The following HYCC1 variants were observed in gnomAD, a reference collection of about 807,000 sequenced individuals.
The protein encoded by HYCC1 is hyccin PI4KA lipid kinase complex subunit 1.
the HYCC1 span, among the ~76,000 whole-genome samples, chr7:22,954,382 G>A: frequency 2.6e-5 from 4 of 150,976 alleles, no homozygotes; most frequent in Admixed American, 6.6e-5. Flanking sequence ...AATGTTTTCC[G>A]ATATGAATTG....
the HYCC1 span, among the ~76,000 whole-genome samples, chr7:22,991,879 A>G: frequency 6.6e-6 from 1 of 152,116 alleles, no homozygotes; most frequent in African/African-American, 2.4e-5. Flanking sequence ...ATTCAGTCAC[A>G]AATCCTTCAT....
chr7:23,000,900 T>A, the HYCC1 span, among the ~76,000 whole-genome samples: 2 of 145,760 alleles, frequency 1.4e-5, no homozygotes, highest in African/African-American at 5.1e-5. Flanking sequence ...TTTAACTAAC[T>A]ACTTGACAAA....
the HYCC1 span, among the ~76,000 whole-genome samples, chr7:22,963,551 A>C: frequency 6.6e-6 from 1 of 152,252 alleles, no homozygotes; most frequent in East Asian, 1.9e-4. Context: ...AGATCAGAGC[A>C]TCCAAGAACT....
the HYCC1 span, among the ~76,000 whole-genome samples, chr7:23,007,436 A>C: frequency 6.6e-6 from 1 of 152,156 alleles, no homozygotes; most frequent in Non-Finnish European, 1.5e-5. Context: ...TTATATAGGG[A>C]CTAAATGAAA....
chr7:22,922,184 TTAA>T, the HYCC1 span, among the ~76,000 whole-genome samples: 43 of 151,052 alleles, frequency 2.8e-4, no homozygotes, highest in African/African-American at 8.7e-4. Flanking sequence ...AACTTTATGA[TTAA>T]TAATATTTAT....
the HYCC1 span, among the ~76,000 whole-genome samples, chr7:22,899,836 T>C: frequency 6.6e-6 from 1 of 151,984 alleles, no homozygotes; most frequent in Non-Finnish European, 1.5e-5. Context: ...CCCAAATTAA[T>C]CTTTTTTTTC....
the HYCC1 span, among the ~76,000 whole-genome samples, chr7:22,993,728 G>A: frequency 2.6e-5 from 4 of 151,708 alleles, no homozygotes; most frequent in Admixed American, 2.6e-4. Context: ...ACGTACGCAT[G>A]TGTAGCTAAA....
At chr7:22,898,853 G>A in the HYCC1 span, among the ~76,000 whole-genome samples, 3 of 152,092 alleles carry the variant, frequency 2.0e-5, no homozygotes, top group East Asian at 1.9e-4. Flanking sequence ...TGCCCGCCTC[G>A]GCCTCCCAAA....
chr7:22,906,275 G>A, the HYCC1 span, among the ~76,000 whole-genome samples: 590 of 152,196 alleles, frequency 3.9e-3, 3 homozygotes, highest in African/African-American at 0.013. Context: ...AAATGGACTC[G>A]TGTATTTATC....
the HYCC1 span, chr7:22,984,168 A>C: frequency 1.5e-6 from 1 of 652,444 alleles, no homozygotes; most frequent in African/African-American, 1.8e-5. Context: ...ATTAGGAGTG[A>C]CTAACAGGTA....
the HYCC1 span, among the ~76,000 whole-genome samples, chr7:22,919,815 CTT>C: frequency 6.6e-6 from 1 of 151,498 alleles, no homozygotes; most frequent in Non-Finnish European, 1.5e-5. Context: ...ATATGGGAAA[CTT>C]TTAAGTGCAC....
chr7:22,897,270 T>A, the HYCC1 span, among the ~76,000 whole-genome samples: 1 of 152,294 alleles, frequency 6.6e-6, no homozygotes, highest in African/African-American at 2.4e-5. Flanking sequence ...CTAGGACATA[T>A]GCACCCTGTG....
At chr7:22,908,775 G>T in the HYCC1 span, among the ~76,000 whole-genome samples, 2 of 152,192 alleles carry the variant, frequency 1.3e-5, no homozygotes, top group Non-Finnish European at 2.9e-5. Context: ...TGATAAGAAT[G>T]ACTTTGTTTA....
At chr7:23,012,880 A>G in the HYCC1 span, among the ~76,000 whole-genome samples, 3 of 152,184 alleles carry the variant, frequency 2.0e-5, no homozygotes. Context: ...TCCAAAAACT[A>G]CTGTGTGATC....
At chr7:22,907,191 A>G in the HYCC1 span, among the ~76,000 whole-genome samples, 1 of 151,568 alleles carries the variant, frequency 6.6e-6, no homozygotes, top group Admixed American at 6.6e-5. Context: ...GGGCCTTCAC[A>G]AAAGAATAAC....
chr7:22,908,239 A>G, the HYCC1 span, among the ~76,000 whole-genome samples: 550 of 152,328 alleles, frequency 3.6e-3, 23 homozygotes, highest in East Asian at 0.093. Context: ...TTTCTTTTGG[A>G]AGACGTTGGT....
At chr7:22,931,774 G>C in the HYCC1 span, among the ~76,000 whole-genome samples, 1 of 152,274 alleles carries the variant, frequency 6.6e-6, no homozygotes, top group African/African-American at 2.4e-5. Context: ...GAGGAAAGGT[G>C]ATTACTGTTA....
chr7:22,955,167 A>T, the HYCC1 span, among the ~76,000 whole-genome samples: 11 of 151,614 alleles, frequency 7.3e-5, no homozygotes, highest in Non-Finnish European at 1.5e-4. Flanking sequence ...TGCTATACTC[A>T]AACTAAACAA....
chr7:22,936,331 G>T, the HYCC1 span: 1 of 152,142 alleles, frequency 6.6e-6, no homozygotes, highest in African/African-American at 2.4e-5. Flanking sequence ...TCGGCTCCTG[G>T]CAGTAATAAG....
Sources: gnomAD v4.1 joint callset for allele counts (sites outside exome capture counted in the v4.1 genomes callset) on GRCh38, gnomAD v4.1.1 for gene constraint, MANE v1.5 for transcripts, NCBI Gene and HGNC (gene_info 2026-07-23, HGNC 2026-07-21) for gene names.